Variants in MAPK8IP3 observed in about 807,000 individuals in gnomAD.
The protein encoded by MAPK8IP3 is mitogen-activated protein kinase 8 interacting protein 3.
Under a neutral mutation model 157.8 loss-of-function variants are expected in MAPK8IP3, and 49 were observed. The observed-to-expected ratio is 0.31, with a 90% CI of 0.25 to 0.39. The LOEUF (loss-of-function observed/expected upper bound fraction) is 0.39, where lower values mean the gene tolerates loss of function less well. MAPK8IP3 is among the 10% of genes least tolerant of loss of function. MAPK8IP3 has a pLI of 1.00. For synonymous variants in MAPK8IP3, 897 were observed against 777.7 expected, an observed-to-expected ratio of 1.15 and a Z score of -2.55; for missense variants, 1,478 against 1,889.4, an observed-to-expected ratio of 0.78 and a Z score of 4.04.
At chr16:1,761,030 G>T (rs2041902942) in intron 12 of MAPK8IP3, among the ~76,000 whole-genome samples, 194 bp from the exon 13 acceptor site, 1 of 152,256 alleles carries the variant, frequency 6.6e-6, no homozygotes, top group South Asian at 2.1e-4. Context: ...GTGGCTCAGG[G>T]CCACCTGTCC....
At chr16:1,711,712 C>G (rs1186823414) in intron 1 of MAPK8IP3, among the ~76,000 whole-genome samples, 2 of 152,044 alleles carry the variant, frequency 1.3e-5, no homozygotes, top group African/African-American at 4.8e-5. Context: ...AAGGCCGAGG[C>G]GGGTGGATCA....
intron 4 of MAPK8IP3, among the ~76,000 whole-genome samples, chr16:1,740,472 C>T (rs982264345): frequency 1.3e-5 from 2 of 152,090 alleles, no homozygotes; most frequent in African/African-American, 2.4e-5. Flanking sequence ...GCTGACCGTC[C>T]GTGTGAGCAT....
intron 4 of MAPK8IP3, among the ~76,000 whole-genome samples, chr16:1,736,874 C>G (rs2039941816): frequency 2.8e-5 from 1 of 35,972 alleles, no homozygotes; most frequent in Non-Finnish European, 4.8e-5. Flanking sequence ...ATGTGAGCAT[C>G]CGTGAGCGTG....
chr16:1,730,044 C>CAAAAAAAA (rs58933347), intron 4 of MAPK8IP3, among the ~76,000 whole-genome samples: 10 of 46,974 alleles, frequency 2.1e-4, no homozygotes, highest in African/African-American at 6.2e-4. Flanking sequence ...CTTGTCTCTA[C>CAAAAAAAA]AAAAAAAAAA....
rs2042227352 is a variant in MAPK8IP3 at position 1,765,883 on chromosome 16, C to T, written c.2447-77C>T. On this transcript the variant is annotated intron_variant, in intron 20 of 31. Transcript: ENST00000610761. ...GGAAGGCCAGCCCCGGCTTCCTCTG[C>T]CCCTGTGTAAGTGCTGGGCACGCCC... The T allele has an allele frequency of 5.1e-6, 7 of 1,360,954 alleles. No individual in the cohort carries two copies. In the South Asian group the frequency reaches 6.8e-5, roughly 13 times the overall value. 84.3% of individuals were successfully genotyped at this position (1,360,954 alleles called of 1,614,324 possible).
chr16:1,757,043 T>C (rs552229893), intron 8 of MAPK8IP3, among the ~76,000 whole-genome samples: 6 of 152,296 alleles, frequency 3.9e-5, no homozygotes, highest in Admixed American at 1.3e-4. Flanking sequence ...TGCTCTCGAA[T>C]TGGGAATTGC....
chr16:1,720,911 G>T (rs144332349), intron 1 of MAPK8IP3, among the ~76,000 whole-genome samples: 2,094 of 152,216 alleles, frequency 0.014, 174 homozygotes, highest in Admixed American at 0.12. Context: ...GTGGGTGCCT[G>T]TAATCCCAGC....
At chr16:1,748,478 C>T (rs530088671) in intron 7 of MAPK8IP3, 124 bp from the exon 8 acceptor site, 10 of 1,138,430 alleles carry the variant, frequency 8.8e-6, no homozygotes, top group African/African-American at 4.6e-5. Context: ...CATCCACGAC[C>T]GGCCTGCAGG....
chr16:1,729,776 C>T (rs922635611), intron 4 of MAPK8IP3, among the ~76,000 whole-genome samples, 198 bp downstream of exon 4: 6 of 152,140 alleles, frequency 3.9e-5, no homozygotes, highest in East Asian at 1.9e-4. Context: ...CGGCCCTGGG[C>T]GACGGACATG....
chr16:1,714,027 T>C (rs1407365904), intron 1 of MAPK8IP3: 2 of 152,194 alleles, frequency 1.3e-5, no homozygotes, highest in Non-Finnish European at 2.9e-5. Context: ...GTAGGTTAAT[T>C]TGCATCTTCT....
At chr16:1,717,937 C>T (rs543650826) in intron 1 of MAPK8IP3, among the ~76,000 whole-genome samples, 225 of 151,902 alleles carry the variant, frequency 1.5e-3, no homozygotes, top group African/African-American at 4.9e-3. Context: ...CTGCAAGCTC[C>T]GCCTCCCAGG....
chr16:1,751,974 T>A lies in MAPK8IP3; in HGVS notation c.1216+3254T>A, dbSNP rs1434760843. 6.6e-6 allele frequency: 1 copy of A among 152,364 alleles called. No homozygotes were observed. Among genetic ancestry groups the A allele is most frequent in the Non-Finnish European group, 1.5e-5 (1 of 68,162 alleles). The allele number at this position is 152,364 out of a possible 1,614,324, so 9.4% of individuals were successfully genotyped here. A position where few individuals can be genotyped will look rare whatever the true frequency, so the allele number is the denominator to read the frequency against. ...GGCCCCTGCTTGGTGCTTTCCACCT[T>A]TGGGAGGCTGTGAATCGTGCTCCAG... On this transcript the variant is annotated intron_variant, in intron 8 of 31. Transcript: ENST00000610761. The surrounding 1 kb of genome is among the most constrained non-coding windows in gnomAD (Gnocchi z 5.0).
intron 4 of MAPK8IP3, among the ~76,000 whole-genome samples, chr16:1,736,497 T>C (rs1346408958): frequency 2.2e-5 from 1 of 46,416 alleles, no homozygotes; most frequent in Non-Finnish European, 3.6e-5. Flanking sequence ...TGAGCGTCCG[T>C]GTGAGCGTGT....
chr16:1,732,157 G>A (rs867116773), intron 4 of MAPK8IP3, among the ~76,000 whole-genome samples: 3 of 152,170 alleles, frequency 2.0e-5, no homozygotes, highest in South Asian at 2.1e-4. Flanking sequence ...GGAGGTTGGC[G>A]CTCTCGTTCT....
chr16:1,730,911 C>A (rs1440534808), intron 4 of MAPK8IP3, among the ~76,000 whole-genome samples: 1 of 149,856 alleles, frequency 6.7e-6, no homozygotes, highest in Admixed American at 6.7e-5. Context: ...AGGCTGAGGC[C>A]GGCAGATCAC....
At chr16:1,744,440 C>T in intron 5 of MAPK8IP3, 2 of 985,964 alleles carry the variant, frequency 2.0e-6, no homozygotes, top group Non-Finnish European at 2.4e-6. Flanking sequence ...GTCAGCCCAC[C>T]TGCTGCTGCG....
At chr16:1,756,342 G>A (rs368197323) in intron 8 of MAPK8IP3, among the ~76,000 whole-genome samples, 19 of 150,918 alleles carry the variant, frequency 1.3e-4, no homozygotes, top group African/African-American at 2.4e-4. Flanking sequence ...GCAAAACCCC[G>A]TCTCTACCAA....
intron 1 of MAPK8IP3, among the ~76,000 whole-genome samples, chr16:1,719,412 A>G (rs1285249907): frequency 1.3e-5 from 2 of 152,236 alleles, no homozygotes; most frequent in Non-Finnish European, 2.9e-5. Flanking sequence ...TCAATCTAGA[A>G]GGAGAAATTA....
chr16:1,710,735 G>A lies in MAPK8IP3; in HGVS notation c.318+4078G>A, dbSNP rs2037717585. Among the ~76,000 whole-genome samples, 2 of 152,190 alleles carry A rather than the reference G, an allele frequency of 1.3e-5. No individual in the cohort carries two copies. Among genetic ancestry groups the A allele is most frequent in the South Asian group, 2.1e-4 (1 of 4,828 alleles). ...GTAAATCCACCACTGCTTGGCCAGA[G>A]TATGCGATTTCTTTTCCTGCCATGT... On this transcript the variant is annotated intron_variant, in intron 1 of 31. Coordinates refer to ENST00000610761, the MANE Select transcript of MAPK8IP3 (RefSeq NM_001318852.2). This position sits in a 1 kb window ranked among gnomAD's most constrained non-coding sequence, Gnocchi z 4.1.
Sources: gnomAD v4.1 joint callset for allele counts (sites outside exome capture counted in the v4.1 genomes callset) on GRCh38, gnomAD v4.1.1 for gene constraint, Gnocchi (gnomAD v3.1) non-coding constraint, MANE v1.5 for transcripts, NCBI Gene and HGNC (gene_info 2026-07-23, HGNC 2026-07-21) for gene names.